The following CSGALNACT2 variants were observed in gnomAD, a reference collection of about 807,000 sequenced individuals.
CSGALNACT2 encodes the protein beta 4 GalNAcT-2.
CSGALNACT2 carries 35 observed loss-of-function variants against 55.3 expected under a neutral mutation model. That is an observed-to-expected ratio of 0.63 (90% CI 0.48 to 0.84). The LOEUF (loss-of-function observed/expected upper bound fraction) is 0.84, where lower values mean the gene tolerates loss of function less well. Among genes scored for constraint, CSGALNACT2 ranks in the 40% least tolerant of loss-of-function variants. The pLI, the probability that CSGALNACT2 is intolerant of heterozygous loss-of-function variation, is 0.00. For synonymous variants in CSGALNACT2, 196 were observed against 224.9 expected (o/e 0.87, Z 1.15); for missense variants, 544 against 657.5 (o/e 0.83, Z 1.89).
chr10:43,151,623 G>T (rs1838876512), intron 1 of CSGALNACT2, among the ~76,000 whole-genome samples: 1 of 152,032 alleles, frequency 6.6e-6, no homozygotes, highest in South Asian at 2.1e-4. Context: ...AATACCCATG[G>T]GATATCCTAT....
At chr10:43,175,732 A>T (rs983570842) in intron 6 of CSGALNACT2, among the ~76,000 whole-genome samples, 1 of 152,206 alleles carries the variant, frequency 6.6e-6, no homozygotes, top group Non-Finnish European at 1.5e-5. Flanking sequence ...AGGCACCACA[A>T]TGATAATTAG....
intron 3 of CSGALNACT2, among the ~76,000 whole-genome samples, 179 bp from the exon 4 acceptor site, chr10:43,160,315 G>A (rs1435186820): frequency 1.3e-5 from 2 of 152,172 alleles, no homozygotes; most frequent in Admixed American, 6.5e-5. Context: ...GCCCTCCAAG[G>A]GGTGCACTCA....
intron 6 of CSGALNACT2, among the ~76,000 whole-genome samples, chr10:43,175,322 A>T (rs746003667): frequency 1.3e-5 from 2 of 152,208 alleles, no homozygotes; most frequent in Non-Finnish European, 2.9e-5. Context: ...CTGCCCTACG[A>T]CCAAATGTCC....
At chr10:43,143,495 G>C (rs1249105028) in intron 1 of CSGALNACT2, among the ~76,000 whole-genome samples, 1 of 27,836 alleles carries the variant, frequency 3.6e-5, no homozygotes, top group Admixed American at 3.2e-4. Flanking sequence ...CTCCAAAAAT[G>C]TGTGTGTGTG....
rs772612556 is a variant in CSGALNACT2, at chr10:43,183,509, G to C, written c.1596G>C (p.Gln532His). ...REEIETHLHK[Q>H]AYRTNSEAVG Reference sequence around the variant, plus strand: ...AAATAGAGACGCATCTTCATAAACAGGCATACAGGACAAACAGTGAAGCTG... The same window carrying C: ...AAATAGAGACGCATCTTCATAAACACGCATACAGGACAAACAGTGAAGCTG... The change falls in exon 8 of 8, where the codon CAG (glutamine) becomes CAC (histidine). Residue 532 changes from glutamine (Q) to histidine (H), a missense_variant. Coordinates refer to ENST00000374466, the MANE Select transcript of CSGALNACT2 (RefSeq NM_018590.5). 1 of 1,614,130 alleles carries C rather than the reference G, an allele frequency of 6.2e-7. No individual in the cohort carries two copies. Among genetic ancestry groups the C allele is most frequent in the Admixed American group, 1.7e-5 (1 of 60,030 alleles).
intron 1 of CSGALNACT2, among the ~76,000 whole-genome samples, chr10:43,150,479 A>C (rs552287245): frequency 3.9e-5 from 6 of 152,176 alleles, no homozygotes; most frequent in Non-Finnish European, 7.4e-5. Context: ...TTCAAAGATA[A>C]TTTCTCTGGG....
intron 7 of CSGALNACT2, among the ~76,000 whole-genome samples, chr10:43,181,044 G>A (rs953610178): frequency 3.3e-5 from 5 of 152,164 alleles, no homozygotes; most frequent in African/African-American, 9.7e-5. Context: ...ACTGCTGGAC[G>A]CATTAAGAGA....
At chr10:43,176,058 A>G (rs777250633) in intron 7 of CSGALNACT2, 26 bp downstream of exon 7, 44 of 1,548,616 alleles carry the variant, frequency 2.8e-5, no homozygotes, top group Non-Finnish European at 8.8e-7. Flanking sequence ...ATTTAAGGAT[A>G]GGACTTTATT....
At chr10:43,147,744 G>A (rs1838789245) in intron 1 of CSGALNACT2, among the ~76,000 whole-genome samples, 1 of 147,116 alleles carries the variant, frequency 6.8e-6, no homozygotes, top group African/African-American at 2.5e-5. Flanking sequence ...ATCTTCTTTA[G>A]AGAAATGTCT....
intron 7 of CSGALNACT2, among the ~76,000 whole-genome samples, 167 bp downstream of exon 7, chr10:43,176,199 G>A (rs963237525): frequency 3.9e-5 from 6 of 152,048 alleles, no homozygotes; most frequent in African/African-American, 1.4e-4. Flanking sequence ...TATAATTAAT[G>A]TTTTGAATAG....
At chr10:43,179,279 ATCT>A (rs1839544489) in intron 7 of CSGALNACT2, among the ~76,000 whole-genome samples, 1 of 144,638 alleles carries the variant, frequency 6.9e-6, no homozygotes, top group Non-Finnish European at 1.5e-5. Flanking sequence ...CGTATGTCAC[ATCT>A]TCTTGTTTCT....
At chr10:43,158,657 C>A in intron 2 of CSGALNACT2, 58 bp from the exon 3 acceptor site, 1 of 980,946 alleles carries the variant, frequency 1.0e-6, no homozygotes, top group South Asian at 1.4e-5. Context: ...ATCTGTCTTC[C>A]CATTGAATTT....
intron 7 of CSGALNACT2, among the ~76,000 whole-genome samples, chr10:43,176,568 A>G (rs1294942417): frequency 6.6e-6 from 1 of 152,206 alleles, no homozygotes; most frequent in Admixed American, 6.5e-5. Flanking sequence ...AAGATGGCCC[A>G]TGAATAATTT....
chr10:43,171,038 C>G (rs1217470255), intron 6 of CSGALNACT2, among the ~76,000 whole-genome samples: 1 of 151,884 alleles, frequency 6.6e-6, no homozygotes, highest in East Asian at 1.9e-4. Flanking sequence ...GGACTAGGTC[C>G]TAGAATAGAA....
At chr10:43,151,906 G>T (rs371399971) in intron 1 of CSGALNACT2, among the ~76,000 whole-genome samples, 1 of 152,142 alleles carries the variant, frequency 6.6e-6, no homozygotes, top group Non-Finnish European at 1.5e-5. Flanking sequence ...GGGTTTGTTG[G>T]CAGGAAAAGT....
intron 7 of CSGALNACT2, among the ~76,000 whole-genome samples, chr10:43,178,785 C>A (rs1224821882): frequency 6.6e-6 from 1 of 151,936 alleles, no homozygotes; most frequent in South Asian, 2.1e-4. Context: ...ATATGGAGGG[C>A]TGACTGTATT....
intron 7 of CSGALNACT2, among the ~76,000 whole-genome samples, chr10:43,182,551 G>C (rs766169222): frequency 5.9e-5 from 9 of 152,066 alleles, no homozygotes; most frequent in Non-Finnish European, 8.8e-5. Flanking sequence ...ACTCTGGGGA[G>C]TTTTTCTATA....
rs551409620 is a variant in CSGALNACT2, at chr10:43,184,837, A to G, written c.*1295A>G. 6.6e-6 allele frequency: 1 copy of G among 152,118 alleles called. No individual in the cohort carries two copies. The highest frequency in any genetic ancestry group is 1.5e-5 in the Non-Finnish European group (1 of 67,998). The allele number at this position is 152,118 out of a possible 1,614,324, so 9.4% of individuals were successfully genotyped here. Reference sequence around the variant, plus strand: ...CTTTTAAAAGAGACCTATGTTGAAAACCCCTGAAAATTCACTGAAGAAAAA... The same window carrying G: ...CTTTTAAAAGAGACCTATGTTGAAAGCCCCTGAAAATTCACTGAAGAAAAA... On this transcript the variant is annotated 3_prime_UTR_variant, in exon 8 of 8. Transcript: ENST00000374466.
intron 6 of CSGALNACT2, among the ~76,000 whole-genome samples, chr10:43,169,693 A>C (rs1464431149): frequency 6.6e-6 from 1 of 152,192 alleles, no homozygotes; most frequent in Admixed American, 6.5e-5. Flanking sequence ...AAATGGAAGA[A>C]AGTTTCCAGA....
Sources: gnomAD v4.1 joint callset for allele counts (sites outside exome capture counted in the v4.1 genomes callset) on GRCh38, gnomAD v4.1.1 for gene constraint, MANE v1.5 for transcripts, NCBI Gene and HGNC (gene_info 2026-07-23, HGNC 2026-07-21) for gene names.